Variants in BCAS3 observed in about 807,000 individuals in gnomAD.
BCAS3 encodes the protein BCAS4/BCAS3 fusion.
Under a neutral mutation model 116.1 loss-of-function variants are expected in BCAS3, and 53 were observed. The ratio of observed to expected loss-of-function variants is 0.46; its 90% CI spans 0.37 to 0.57. The LOEUF (loss-of-function observed/expected upper bound fraction) is 0.57, where lower values mean the gene tolerates loss of function less well. Among genes scored for constraint, BCAS3 ranks in the 20% least tolerant of loss-of-function variants. BCAS3 has a pLI of 0.00. For synonymous variants in BCAS3, 391 were observed against 408.2 expected, an observed-to-expected ratio of 0.96 and a Z score of 0.51; for missense variants, 917 against 1,165.4, an observed-to-expected ratio of 0.79 and a Z score of 3.10.
intron 14 of BCAS3, among the ~76,000 whole-genome samples, chr17:60,958,138 A>T (rs2061235736): frequency 6.6e-6 from 1 of 152,196 alleles, no homozygotes; most frequent in Non-Finnish European, 1.5e-5. Flanking sequence ...CCCTGAATTG[A>T]TGAGGTATTG....
At chr17:61,237,796 C>T (rs1385920388) in intron 22 of BCAS3, among the ~76,000 whole-genome samples, 2 of 152,206 alleles carry the variant, frequency 1.3e-5, no homozygotes, top group African/African-American at 2.4e-5. Context: ...CAGCTCTTAA[C>T]TGCTTTTTGT....
chr17:61,111,146 C>A lies in BCAS3; in HGVS notation c.2425+26582C>A, dbSNP rs1343430696. Reference sequence around the variant, plus strand: ...CCACAAAGATGGGGAAAAAACAGAACAGAAAAACTGGAAACTCTAAAACGC... The same window carrying A: ...CCACAAAGATGGGGAAAAAACAGAAAAGAAAAACTGGAAACTCTAAAACGC... On this transcript the variant is annotated intron_variant, in intron 22 of 23. Transcript: ENST00000407086. Among the ~76,000 whole-genome samples the A allele has an allele frequency of 9.2e-5, 14 of 151,798 alleles. No homozygotes were observed. In the South Asian group the frequency reaches 1.3e-3, roughly 14 times the overall value.
chr17:60,823,749 C>T (rs1397479195), intron 7 of BCAS3, among the ~76,000 whole-genome samples: 1 of 152,156 alleles, frequency 6.6e-6, no homozygotes, highest in East Asian at 1.9e-4. Context: ...TAATACACTA[C>T]ATGGAGAATG....
At chr17:60,828,050 T>G (rs529815494) in intron 7 of BCAS3, among the ~76,000 whole-genome samples, 6 of 151,896 alleles carry the variant, frequency 4.0e-5, no homozygotes, top group African/African-American at 1.4e-4. Context: ...CCAAGAAGGA[T>G]GCAGTCTTGA....
At chr17:60,899,798 T>C in intron 10 of BCAS3, 1 of 151,630 alleles carries the variant, frequency 6.6e-6, no homozygotes, top group Non-Finnish European at 1.5e-5. Flanking sequence ...TCCAGGCCCC[T>C]GATTTTTTTT....
chr17:60,867,975 G>C (rs1474716889), intron 7 of BCAS3, among the ~76,000 whole-genome samples: 1 of 150,802 alleles, frequency 6.6e-6, no homozygotes, highest in Non-Finnish European at 1.5e-5. Context: ...AAGTTTATTA[G>C]ATTCTTTTAT....
chr17:61,223,684 C>A (rs1242309673), intron 22 of BCAS3, among the ~76,000 whole-genome samples: 1 of 152,120 alleles, frequency 6.6e-6, no homozygotes, highest in African/African-American at 2.4e-5. Context: ...AGGTTCTTTT[C>A]ATGATGTATG....
At chr17:60,751,902 T>TA (rs1385478137) in intron 6 of BCAS3, among the ~76,000 whole-genome samples, 1 of 152,178 alleles carries the variant, frequency 6.6e-6, no homozygotes, top group African/African-American at 2.4e-5. Context: ...TATTGATTAT[T>TA]AAAAAAATCA....
Position 61,182,685 on chromosome 17 carries a change from C to T in BCAS3, c.2425+98121C>T, listed in dbSNP as rs569747119. On this transcript the variant is annotated intron_variant, in intron 22 of 23. Transcript: ENST00000407086. ...TAGGAGCTCACACTCCCCAACCCTACGCAGTCATTGATCTAATTTCTGTCT... is the reference window on the plus strand; with the variant it reads ...TAGGAGCTCACACTCCCCAACCCTATGCAGTCATTGATCTAATTTCTGTCT... Among the ~76,000 whole-genome samples, 40 of 152,342 alleles carry T rather than the reference C, an allele frequency of 2.6e-4. No homozygotes were observed. In the South Asian group the frequency reaches 7.9e-3, roughly 30 times the overall value.
chr17:61,039,197 A>G (rs2145615375), intron 18 of BCAS3, among the ~76,000 whole-genome samples: 1 of 152,290 alleles, frequency 6.6e-6, no homozygotes, highest in Admixed American at 6.5e-5. Flanking sequence ...GGAATCATAT[A>G]ATATGTGACC....
intron 22 of BCAS3, among the ~76,000 whole-genome samples, chr17:61,298,709 A>G (rs1235883865): frequency 6.6e-6 from 1 of 152,018 alleles, no homozygotes; most frequent in Non-Finnish European, 1.5e-5. Flanking sequence ...CTTTTCAGTC[A>G]TCCTTCTCAC....
In BCAS3 at chr17:61,141,666, G is replaced by A. The variant is rs138149125; in HGVS notation, c.2425+57102G>A. ...ACCTGTAATCCCAGCTCTTTGAGAG[G>A]CTGAGGTGGGCGGATCACGAGGTCA... On this transcript the variant is annotated intron_variant, in intron 22 of 23. Transcript: ENST00000407086. The surrounding 1 kb of genome is among the most constrained non-coding windows in gnomAD (Gnocchi z 4.3). Among the ~76,000 whole-genome samples the A allele has an allele frequency of 1.0e-3, 159 of 152,290 alleles. No homozygotes were observed. Among genetic ancestry groups the A allele is most frequent in the African/African-American group, 3.7e-3 (155 of 41,566 alleles).
rs552024400 is a variant in BCAS3, at chr17:60,840,256, C to A, written c.477-28320C>A. ...ATTATTTGTAATTCTTGTTTTTCAT[C>A]AAGCATAAAAGATCCTTTTGCATCT... is the stretch of plus-strand genomic sequence containing the variant. On this transcript the variant is annotated intron_variant, in intron 7 of 23. Coordinates refer to ENST00000407086, the MANE Select transcript of BCAS3 (RefSeq NM_017679.5). 1.5e-3 allele frequency among the ~76,000 whole-genome samples: 224 copies of A among 152,180 alleles called. 1 individual carries two copies. The highest frequency in any genetic ancestry group is 5.2e-3 in the African/African-American group (217 of 41,538).
chr17:61,264,073 G>A (rs1282947408), intron 22 of BCAS3, among the ~76,000 whole-genome samples: 1 of 152,132 alleles, frequency 6.6e-6, no homozygotes, highest in Non-Finnish European at 1.5e-5. Context: ...TTCCCTGTCT[G>A]TAAAATGGGG....
chr17:61,328,648 C>G lies in BCAS3; in HGVS notation c.2426-39679C>G, dbSNP rs924128215. Among the ~76,000 whole-genome samples, 6 of 152,034 alleles carry G rather than the reference C, an allele frequency of 3.9e-5. No individual in the cohort carries two copies. In the South Asian group the frequency reaches 6.2e-4, roughly 16 times the overall value. ...GGTGTGGTGGTGTGCGCCTGTAGTC[C>G]CAGCTACTCAGGAGGCTGAAGTGGG... On this transcript the variant is annotated intron_variant, in intron 22 of 23. Coordinates refer to ENST00000407086, the MANE Select transcript of BCAS3 (RefSeq NM_017679.5).
chr17:61,238,173 C>G (rs1348686015), intron 22 of BCAS3, among the ~76,000 whole-genome samples: 1 of 151,916 alleles, frequency 6.6e-6, no homozygotes, highest in Non-Finnish European at 1.5e-5. Flanking sequence ...CTACCTCAGC[C>G]TCCTGAGTAG....
At chr17:61,143,844 C>T (rs1164797388) in intron 22 of BCAS3, among the ~76,000 whole-genome samples, 2 of 152,090 alleles carry the variant, frequency 1.3e-5, no homozygotes, top group Non-Finnish European at 2.9e-5. Flanking sequence ...GTATAAGTCA[C>T]AGAAAGATAG....
At position 61,355,162 on chromosome 17, in the gene BCAS3, A is replaced by C. The variant is rs1416737894; in HGVS notation, c.2426-13165A>C. 2 of 152,354 alleles carry C rather than the reference A, an allele frequency of 1.3e-5. No homozygotes were observed. Among genetic ancestry groups the C allele is most frequent in the East Asian group, 3.9e-4 (2 of 5,184 alleles). The allele number at this position is 152,354 out of a possible 1,614,324, so 9.4% of individuals were successfully genotyped here. A position where few individuals can be genotyped will look rare whatever the true frequency, so the allele number is the denominator to read the frequency against. On this transcript the variant is annotated intron_variant, in intron 22 of 23. Coordinates refer to ENST00000407086, the MANE Select transcript of BCAS3 (RefSeq NM_017679.5). This position sits in a 1 kb window ranked among gnomAD's most constrained non-coding sequence, Gnocchi z 4.2. Reference sequence around the variant, plus strand: ...CCTCAGAGGAGAGTAAAAGGTCAGAAATAATCCAAGAGGACAAGCCACTCG... The same window carrying C: ...CCTCAGAGGAGAGTAAAAGGTCAGACATAATCCAAGAGGACAAGCCACTCG...
intron 3 of BCAS3, among the ~76,000 whole-genome samples, chr17:60,686,222 AT>A (rs997241549): frequency 1.3e-4 from 19 of 151,778 alleles, no homozygotes; most frequent in Non-Finnish European, 2.6e-4. Context: ...GCTTTCTAAC[AT>A]TTTTTTTCCC....
Sources: allele counts gnomAD v4.1 joint callset (sites outside exome capture counted in the v4.1 genomes callset), GRCh38; gene constraint gnomAD v4.1.1; non-coding constraint Gnocchi (gnomAD v3.1); transcripts MANE v1.5; gene names NCBI Gene and HGNC (gene_info 2026-07-23, HGNC 2026-07-21).